The following ADAMTS14 variants were observed in gnomAD, a reference collection of about 807,000 sequenced individuals.
The protein encoded by ADAMTS14 is A disintegrin and metalloproteinase with thrombospondin motifs 14.
A neutral mutation model predicts 128.6 loss-of-function variants in ADAMTS14; 100 were observed. The ratio of observed to expected loss-of-function variants is 0.78; its 90% CI spans 0.66 to 0.92. ADAMTS14 has a LOEUF of 0.92. Among genes scored for constraint, ADAMTS14 ranks in the 40% least tolerant of loss-of-function variants. The pLI is 0.00. For missense variants in ADAMTS14, 1,562 were observed against 1,658.6 expected (o/e 0.94, Z 1.01); for synonymous variants, 665 against 653.8 (o/e 1.02, Z -0.26).
Position 70,752,147 on chromosome 10 carries a change from G to A in ADAMTS14, c.2649G>A (p.Val883=), listed in dbSNP as rs956276980. 6.2e-7 allele frequency: 1 copy of A among 1,613,450 alleles called. No homozygotes were observed. Among genetic ancestry groups the A allele is most frequent in the East Asian group, 2.2e-5 (1 of 44,890 alleles). ...GCRRRRDHHM[V]QRHLCDHKKR... ...GGCGCAGACGAGACCACCACATGGT[G>A]CAGCGACACCTGTGTGACCACAAGA... Residue 883 remains valine (V), a synonymous_variant, in exon 18 of 22, where the codon GTG becomes GTA. Coordinates refer to ENST00000373207, the MANE Select transcript of ADAMTS14 (RefSeq NM_080722.4).
chr10:70,672,950 G>T (rs2132517294), intron 1 of ADAMTS14, 66 bp downstream of exon 1: 2 of 1,372,248 alleles, frequency 1.5e-6, no homozygotes, highest in Non-Finnish European at 1.9e-6. Context: ...GGTGGCCCAA[G>T]GTTGCCCCAG....
At chr10:70,698,196 G>A (rs968342851) in intron 2 of ADAMTS14, among the ~76,000 whole-genome samples, 11 of 152,162 alleles carry the variant, frequency 7.2e-5, no homozygotes, top group Non-Finnish European at 2.9e-5. Flanking sequence ...CAATATGGCT[G>A]ATATTTATTT....
intron 4 of ADAMTS14, among the ~76,000 whole-genome samples, chr10:70,714,354 G>A (rs1025404960): frequency 2.6e-5 from 4 of 152,172 alleles, no homozygotes; most frequent in South Asian, 2.1e-4. Flanking sequence ...AGAAACTGGC[G>A]TGCAGAGACA....
intron 12 of ADAMTS14, 50 bp downstream of exon 12, chr10:70,741,212 G>T (rs939125723): frequency 2.9e-5 from 46 of 1,588,436 alleles, no homozygotes; most frequent in Non-Finnish European, 4.0e-5. Context: ...GCATCTGCGG[G>T]GGCTGTGTGT....
intron 19 of ADAMTS14, among the ~76,000 whole-genome samples, chr10:70,756,998 G>A (rs1380742333): frequency 6.6e-6 from 1 of 151,904 alleles, no homozygotes; most frequent in Non-Finnish European, 1.5e-5. Flanking sequence ...TGTTTGTCTC[G>A]TAGTTCTGTG....
chr10:70,674,887 G>A lies in ADAMTS14; in HGVS notation c.414G>A (p.Glu138=). ...VVPGSSVEWQ[E]DFRELFRQPL... ...CAGGATCCTCAGTGGAGTGGCAGGA[G>A]GATTTTCGGGAGCTGTTCCGGCAGC... The change falls in exon 2 of 22, where the codon GAG becomes GAA. Residue 138 remains glutamate (E), a synonymous_variant. Transcript: ENST00000373207. 6.2e-7 allele frequency: 1 copy of A among 1,613,448 alleles called. No homozygotes were observed. Among genetic ancestry groups the A allele is most frequent in the Non-Finnish European group, 8.5e-7 (1 of 1,180,038 alleles).
chr10:70,685,806 G>A (rs1839935311), intron 2 of ADAMTS14, among the ~76,000 whole-genome samples: 2 of 152,174 alleles, frequency 1.3e-5, no homozygotes, highest in African/African-American at 4.8e-5. Context: ...AAAAGTGATT[G>A]GTCTAATGGT....
intron 4 of ADAMTS14, among the ~76,000 whole-genome samples, chr10:70,718,014 G>A (rs1477610276): frequency 6.6e-6 from 1 of 152,236 alleles, no homozygotes; most frequent in Non-Finnish European, 1.5e-5. Flanking sequence ...AGACCTGGGA[G>A]GTTTTGGCGC....
intron 18 of ADAMTS14, among the ~76,000 whole-genome samples, chr10:70,752,688 G>T (rs968817204): frequency 6.6e-6 from 1 of 152,184 alleles, no homozygotes; most frequent in African/African-American, 2.4e-5. Context: ...GAGGCCGAGG[G>T]TGGCTGGCTG....
chr10:70,750,193 C>T (rs539170204), intron 16 of ADAMTS14, among the ~76,000 whole-genome samples: 2 of 152,342 alleles, frequency 1.3e-5, no homozygotes, highest in East Asian at 3.9e-4. Flanking sequence ...ACAGTTGTCT[C>T]CTCACTGTCA....
intron 2 of ADAMTS14, among the ~76,000 whole-genome samples, chr10:70,700,190 G>T (rs1340210798): frequency 6.6e-6 from 1 of 152,008 alleles, no homozygotes; most frequent in Non-Finnish European, 1.5e-5. Context: ...AGTGGCAGAG[G>T]CTCTTGGATT....
intron 15 of ADAMTS14, among the ~76,000 whole-genome samples, chr10:70,749,503 A>G (rs1842283104): frequency 6.6e-6 from 1 of 152,012 alleles, no homozygotes; most frequent in South Asian, 2.1e-4. Context: ...GGAGGAGAGG[A>G]GATTATGCTG....
At chr10:70,745,086 C>A in intron 14 of ADAMTS14, 140 bp from the exon 15 acceptor site, 1 of 763,690 alleles carries the variant, frequency 1.3e-6, no homozygotes, top group Non-Finnish European at 2.1e-6. Flanking sequence ...CCTCAGTTTA[C>A]AAATGAGGAT....
intron 15 of ADAMTS14, among the ~76,000 whole-genome samples, chr10:70,747,665 G>A (rs1842220207): frequency 6.6e-6 from 1 of 152,242 alleles, no homozygotes; most frequent in Non-Finnish European, 1.5e-5. Context: ...GGCAGAGGCT[G>A]CTAGCATCCG....
At chr10:70,699,861 C>G (rs1181431439) in intron 2 of ADAMTS14, among the ~76,000 whole-genome samples, 1 of 152,134 alleles carries the variant, frequency 6.6e-6, no homozygotes, top group South Asian at 2.1e-4. Flanking sequence ...CTCTGCTAGG[C>G]AGCTTGAGAG....
In ADAMTS14 at chr10:70,674,975, A is replaced by G. The variant is rs774787276; in HGVS notation, c.502A>G (p.Ile168Val). The G allele has an allele frequency of 6.2e-6, 10 of 1,612,754 alleles. No individual in the cohort carries two copies. The South Asian group carries it at 1.1e-4, about 18-fold the overall frequency. The stretch of plus-strand genomic sequence containing the variant: ...TGGAATGCCTGGGGCAGCTGTTGCC[A>G]TCAGCAACTGTGACGGATTGGTAAG... ...VTGMPGAAVA[I>V]SNCDGLAGLI... is the part of the protein sequence containing the mutation. Residue 168 changes from isoleucine (I) to valine (V), a missense_variant, in exon 2 of 22, where the codon ATC (isoleucine) becomes GTC (valine). Ile to Val is a conservative substitution (Grantham distance 29, BLOSUM62 3). Coordinates refer to ENST00000373207, the MANE Select transcript of ADAMTS14 (RefSeq NM_080722.4).
In ADAMTS14 at chr10:70,760,895, A is replaced by G. The variant is rs377015296; in HGVS notation, c.*42A>G. 2.6e-6 allele frequency: 4 copies of G among 1,519,620 alleles called. No homozygotes were observed. Among genetic ancestry groups the G allele is most frequent in the East Asian group, 2.3e-5 (1 of 43,870 alleles). 94.1% of individuals were successfully genotyped at this position (1,519,620 alleles called of 1,614,324 possible). On this transcript the variant is annotated 3_prime_UTR_variant, in exon 22 of 22. Coordinates refer to ENST00000373207, the MANE Select transcript of ADAMTS14 (RefSeq NM_080722.4). ...CCACTGGCACGTTTACACTCTGTGTACTGCCCCGTGACTCCCAGCTCAGAG... is the reference window on the plus strand; with the variant it reads ...CCACTGGCACGTTTACACTCTGTGTGCTGCCCCGTGACTCCCAGCTCAGAG...
Position 70,674,697 on chromosome 10 carries a change from C to T in ADAMTS14, c.224C>T (p.Thr75Ile). ...AGSMVVDTPP[T>I]LPRHSSHLRV... is the part of the protein sequence containing the mutation. ...AGCATGGTAGTGGACACGCCACCCA[C>T]ACTACCACGACACTCCAGTCACCTC... is the stretch of plus-strand genomic sequence containing the variant. Residue 75 changes from threonine to isoleucine, a missense_variant, in exon 2 of 22, where the codon ACA becomes ATA. Coordinates refer to ENST00000373207, the MANE Select transcript of ADAMTS14 (RefSeq NM_080722.4). 1 of 1,613,634 alleles carries T rather than the reference C, an allele frequency of 6.2e-7. No homozygotes were observed. The highest frequency in any genetic ancestry group is 1.3e-5 in the African/African-American group (1 of 75,064).
At chr10:70,752,276 G>T (rs778009680) in intron 18 of ADAMTS14, 49 bp downstream of exon 18, 2 of 1,600,906 alleles carry the variant, frequency 1.2e-6, no homozygotes, top group Non-Finnish European at 1.7e-6. Flanking sequence ...TGCCTAGCCC[G>T]GGCCCCAGGC....
Sources: allele counts gnomAD v4.1 joint callset (sites outside exome capture counted in the v4.1 genomes callset), GRCh38; gene constraint gnomAD v4.1.1; transcripts MANE v1.5; gene names NCBI Gene and HGNC (gene_info 2026-07-23, HGNC 2026-07-21).